The following SKAP2 variants were observed in gnomAD, a reference collection of about 807,000 sequenced individuals.
SKAP2 encodes src kinase-associated phosphoprotein 2.
In SKAP2, 28 loss-of-function variants were observed where a neutral mutation model predicts 54.9. That is an observed-to-expected ratio of 0.51 (90% CI 0.38 to 0.70). The LOEUF (loss-of-function observed/expected upper bound fraction) is 0.70, where lower values mean the gene tolerates loss of function less well. SKAP2 is among the 30% of genes least tolerant of loss of function. The probability of loss-of-function intolerance (pLI) is 0.00; values close to 1 mark genes in which losing one functional copy is unlikely to be tolerated. For synonymous variants in SKAP2, 137 were observed against 134.3 expected, an observed-to-expected ratio of 1.02 and a Z score of -0.14; for missense variants, 356 against 424.1, an observed-to-expected ratio of 0.84 and a Z score of 1.41.
At chr7:26,656,498 T>C in the SKAP2 span, among the ~76,000 whole-genome samples, 143 of 152,314 alleles carry the variant, frequency 9.4e-4, 1 homozygote, top group African/African-American at 3.3e-3. Flanking sequence ...AGCAGACAAG[T>C]GTACAAACAA....
At chr7:26,739,743 T>C (rs1782387995) in intron 5 of SKAP2, 144 bp downstream of exon 5, 4 of 587,526 alleles carry the variant, frequency 6.8e-6, no homozygotes, top group African/African-American at 1.9e-5. Context: ...ATTTTGTGGT[T>C]TGGATAATGT....
intron 11 of SKAP2, among the ~76,000 whole-genome samples, chr7:26,675,420 T>A (rs905216336): frequency 2.6e-5 from 4 of 152,202 alleles, no homozygotes; most frequent in African/African-American, 9.7e-5. Context: ...CATATTTATA[T>A]CTCTCATTTC....
In SKAP2 at chr7:26,707,755, C is replaced by G. The variant is rs546345131; in HGVS notation, c.797-17393G>C. The stretch of plus-strand genomic sequence containing the variant: ...GACCCCCAACAGCCCAGGGAAGAAA[C>G]AAGGAAGCTTTCTGTTTTTCCAGGG... On this transcript the variant is annotated intron_variant, in intron 9 of 12. Transcript: ENST00000345317. Among the ~76,000 whole-genome samples, 89 of 152,238 alleles carry G rather than the reference C, an allele frequency of 5.8e-4. 1 individual carries two copies. The highest frequency in any genetic ancestry group is 5.8e-3 in the Admixed American group (88 of 15,292).
chr7:26,834,947 T>C (rs1375204669), intron 4 of SKAP2, among the ~76,000 whole-genome samples: 1 of 152,180 alleles, frequency 6.6e-6, no homozygotes, highest in Admixed American at 6.5e-5. Context: ...AAATCCTCAA[T>C]GAAATACTGG....
chr7:26,836,031 T>A (rs1313639345), intron 4 of SKAP2, among the ~76,000 whole-genome samples: 1 of 152,060 alleles, frequency 6.6e-6, no homozygotes, highest in Non-Finnish European at 1.5e-5. Context: ...GCCACAGAAA[T>A]AATGCCACAC....
chr7:26,660,365 A>T, the SKAP2 span, among the ~76,000 whole-genome samples: 1 of 152,136 alleles, frequency 6.6e-6, no homozygotes. Context: ...AACGGGTCCA[A>T]TAACAAAATA....
chr7:26,675,722 A>G (rs1202482642), intron 11 of SKAP2, among the ~76,000 whole-genome samples: 6 of 152,232 alleles, frequency 3.9e-5, no homozygotes, highest in Admixed American at 1.3e-4. Flanking sequence ...AAAGAATTGT[A>G]GTAGTGACGA....
At chr7:26,733,087 T>C (rs1346365100) in intron 6 of SKAP2, among the ~76,000 whole-genome samples, 2 of 151,406 alleles carry the variant, frequency 1.3e-5, no homozygotes, top group Non-Finnish European at 2.9e-5. Context: ...GCTGAGATCA[T>C]GCCACTGCAC....
At chr7:26,729,880 C>A (rs1310029771) in intron 6 of SKAP2, among the ~76,000 whole-genome samples, 3 of 152,078 alleles carry the variant, frequency 2.0e-5, no homozygotes, top group African/African-American at 7.2e-5. Context: ...CTTTGCAGAA[C>A]AAAATGTGCT....
chr7:26,690,967 G>C (rs943526140), intron 9 of SKAP2, among the ~76,000 whole-genome samples: 3 of 151,984 alleles, frequency 2.0e-5, no homozygotes, highest in African/African-American at 7.3e-5. Flanking sequence ...CATCCTTTGA[G>C]GTAATTCCCC....
chr7:26,662,223 G>C (rs1786024818), downstream of SKAP2, among the ~76,000 whole-genome samples: 1 of 152,072 alleles, frequency 6.6e-6, no homozygotes, highest in Admixed American at 6.6e-5. Context: ...ACAGCTCTTT[G>C]CTTCCCCTCA....
chr7:26,694,803 A>T (rs1385762940), intron 9 of SKAP2, among the ~76,000 whole-genome samples: 1 of 152,172 alleles, frequency 6.6e-6, no homozygotes, highest in East Asian at 1.9e-4. Flanking sequence ...TACTGTGGGA[A>T]AAGTCATGGC....
chr7:26,681,537 T>C (rs1016753159), intron 11 of SKAP2, among the ~76,000 whole-genome samples: 2 of 152,264 alleles, frequency 1.3e-5, no homozygotes, highest in African/African-American at 2.4e-5. Flanking sequence ...TTTATTTATA[T>C]TGAAAGTATG....
rs367783290 is a variant in SKAP2, at chr7:26,741,526, G to C, written c.308-1562C>G. On this transcript the variant is annotated intron_variant, in intron 4 of 12. Transcript: ENST00000345317. ...TGCGCTCCAGCCTGGGTAATAGAGT[G>C]AGACCCTGTCTCTAAATAAATAAAT... Among the ~76,000 whole-genome samples, 247 of 150,742 alleles carry C rather than the reference G, an allele frequency of 1.6e-3. 1 individual carries two copies. The highest frequency in any genetic ancestry group is 5.9e-3 in the African/African-American group (238 of 40,562).
At chr7:26,717,817 G>T (rs1337425248) in intron 9 of SKAP2, among the ~76,000 whole-genome samples, 1 of 151,408 alleles carries the variant, frequency 6.6e-6, no homozygotes, top group East Asian at 1.9e-4. Context: ...GGGTGACAGA[G>T]CAAGACCCTG....
chr7:26,761,857 G>A (rs1782938539), intron 4 of SKAP2, among the ~76,000 whole-genome samples: 1 of 152,200 alleles, frequency 6.6e-6, no homozygotes, highest in Non-Finnish European at 1.5e-5. Context: ...CTGAGATTGT[G>A]CCATTGCGCT....
intron 4 of SKAP2, among the ~76,000 whole-genome samples, chr7:26,802,649 G>C (rs1408703217): frequency 6.6e-6 from 1 of 152,080 alleles, no homozygotes. Flanking sequence ...TTGGGAGGCA[G>C]AGGCAGGTGG....
intron 3 of SKAP2, among the ~76,000 whole-genome samples, chr7:26,847,784 CAGTTT>C (rs1312421109): frequency 6.6e-6 from 1 of 152,088 alleles, no homozygotes; most frequent in Non-Finnish European, 1.5e-5. Flanking sequence ...AATTAATGAT[CAGTTT>C]AAAAATACTT....
At chr7:26,846,224 A>G (rs1784918030) in intron 3 of SKAP2, among the ~76,000 whole-genome samples, 1 of 152,140 alleles carries the variant, frequency 6.6e-6, no homozygotes, top group Admixed American at 6.5e-5. Context: ...CATTACTAGA[A>G]CTTAGCATGT....
Sources: gnomAD v4.1 joint callset for allele counts (sites outside exome capture counted in the v4.1 genomes callset) on GRCh38, gnomAD v4.1.1 for gene constraint, MANE v1.5 for transcripts, NCBI Gene and HGNC (gene_info 2026-07-23, HGNC 2026-07-21) for gene names.